Variants in GRIA4 observed in about 807,000 individuals in gnomAD.
The protein encoded by GRIA4 is glutamate ionotropic receptor AMPA type subunit 4.
In GRIA4, 34 loss-of-function variants were observed where a neutral mutation model predicts 104.0. The ratio of observed to expected loss-of-function variants is 0.33; its 90% CI spans 0.25 to 0.44. The LOEUF (loss-of-function observed/expected upper bound fraction) is 0.44. GRIA4 is among the 20% of genes least tolerant of loss of function. GRIA4 has a pLI of 1.00. For synonymous variants in GRIA4, 386 were observed against 381.9 expected, an observed-to-expected ratio of 1.01 and a Z score of -0.13; for missense variants, 750 against 1,096.5, an observed-to-expected ratio of 0.68 and a Z score of 4.46.
intron 3 of GRIA4, among the ~76,000 whole-genome samples, chr11:105,733,569 G>T (rs1177656299): frequency 1.3e-5 from 2 of 152,064 alleles, no homozygotes; most frequent in African/African-American, 4.8e-5. Context: ...CAATTCTGCT[G>T]CCTCAGCCTC....
At chr11:105,893,734 T>C (rs1335588434) in intron 6 of GRIA4, among the ~76,000 whole-genome samples, 2 of 152,208 alleles carry the variant, frequency 1.3e-5, no homozygotes, top group African/African-American at 4.8e-5. Context: ...ATTTCAGCCA[T>C]GTTTGAAAGA....
At chr11:105,768,900 A>G (rs1315010583) in intron 4 of GRIA4, among the ~76,000 whole-genome samples, 1 of 152,098 alleles carries the variant, frequency 6.6e-6, no homozygotes, top group Non-Finnish European at 1.5e-5. Context: ...ATTTGAGACT[A>G]TGGTTCTAAG....
intron 4 of GRIA4, among the ~76,000 whole-genome samples, chr11:105,783,155 T>G (rs1320755916): frequency 6.6e-6 from 1 of 152,160 alleles, no homozygotes; most frequent in Non-Finnish European, 1.5e-5. Context: ...AGTAAAATAA[T>G]TCACGGAGAA....
chr11:105,805,595 C>T (rs761303083), intron 4 of GRIA4, among the ~76,000 whole-genome samples: 3 of 150,974 alleles, frequency 2.0e-5, no homozygotes, highest in Non-Finnish European at 4.4e-5. Flanking sequence ...AACTAAATGA[C>T]TGAATTAGCA....
intron 4 of GRIA4, among the ~76,000 whole-genome samples, chr11:105,782,094 G>A (rs1049048379): frequency 6.6e-6 from 1 of 152,116 alleles, no homozygotes; most frequent in African/African-American, 2.4e-5. Context: ...GACACATTTG[G>A]CCCAAGTCTG....
intron 4 of GRIA4, among the ~76,000 whole-genome samples, chr11:105,809,703 C>G (rs992040960): frequency 2.0e-5 from 3 of 152,048 alleles, no homozygotes; most frequent in Admixed American, 2.0e-4. Flanking sequence ...CATGATTTTA[C>G]GTGTCCTGAG....
At chr11:105,763,732 C>T (rs1002930783) in intron 4 of GRIA4, among the ~76,000 whole-genome samples, 2 of 152,186 alleles carry the variant, frequency 1.3e-5, no homozygotes, top group African/African-American at 4.8e-5. Flanking sequence ...GTACAGCGGT[C>T]TGTCATTGCC....
intron 5 of GRIA4, among the ~76,000 whole-genome samples, chr11:105,872,543 G>T (rs78374574): frequency 6.6e-6 from 1 of 152,066 alleles, no homozygotes; most frequent in African/African-American, 2.4e-5. Flanking sequence ...CATATTTGAC[G>T]TTAAAATTCA....
At chr11:105,923,059 T>A (rs1947610445) in intron 11 of GRIA4, among the ~76,000 whole-genome samples, 1 of 152,028 alleles carries the variant, frequency 6.6e-6, no homozygotes, top group Non-Finnish European at 1.5e-5. Context: ...CCTTCCCCAT[T>A]CTAACCCCCC....
chr11:105,973,276 C>T (rs1858790178), intron 15 of GRIA4, among the ~76,000 whole-genome samples: 1 of 152,140 alleles, frequency 6.6e-6, no homozygotes, highest in Admixed American at 6.6e-5. Context: ...AAACATACTG[C>T]TGAGAAGATA....
chr11:105,761,780 C>T (rs1042767834), intron 4 of GRIA4, among the ~76,000 whole-genome samples: 1 of 152,154 alleles, frequency 6.6e-6, no homozygotes, highest in African/African-American at 2.4e-5. Context: ...ATAGTTTACA[C>T]TTTATACAAA....
intron 11 of GRIA4, among the ~76,000 whole-genome samples, chr11:105,920,754 T>C (rs993437902): frequency 1.3e-5 from 2 of 152,142 alleles, no homozygotes; most frequent in South Asian, 2.1e-4. Context: ...ATTAATATTA[T>C]ATTCATATTC....
intron 14 of GRIA4, among the ~76,000 whole-genome samples, chr11:105,940,156 G>C (rs1948147626): frequency 6.6e-6 from 1 of 152,108 alleles, no homozygotes; most frequent in African/African-American, 2.4e-5. Context: ...GTTAAGGTCA[G>C]GAGTTCGAGA....
At chr11:105,861,251 A>C (rs1251852505) in intron 4 of GRIA4, among the ~76,000 whole-genome samples, 1 of 152,050 alleles carries the variant, frequency 6.6e-6, no homozygotes, top group African/African-American at 2.4e-5. Context: ...GACCCAATTC[A>C]AGTTGTTTCT....
At chr11:105,636,944 C>T (rs534967753) in intron 3 of GRIA4, among the ~76,000 whole-genome samples, 1 of 152,274 alleles carries the variant, frequency 6.6e-6, no homozygotes, top group Non-Finnish European at 1.5e-5. Context: ...ATTCAATCTG[C>T]TGCCTTTTCA....
intron 4 of GRIA4, among the ~76,000 whole-genome samples, chr11:105,776,341 C>G (rs564198039): frequency 2.0e-5 from 3 of 152,060 alleles, no homozygotes; most frequent in African/African-American, 7.2e-5. Flanking sequence ...TACCAACATA[C>G]TATGTAGAAA....
chr11:105,941,139 G>C (rs1205946269), intron 14 of GRIA4, among the ~76,000 whole-genome samples: 1 of 152,114 alleles, frequency 6.6e-6, no homozygotes, highest in Non-Finnish European at 1.5e-5. Flanking sequence ...CAAGCATTAT[G>C]TTGGTTATGA....
At position 105,852,853 on chromosome 11, in the gene GRIA4, C is replaced by T. The variant is rs745660214; in HGVS notation, c.488-9171C>T. Reference sequence around the variant, plus strand: ...ATCACAAGAAAATTATGTACTGCTACTCCTGCTCTAAAGAAAAGACGAAAG... The same window carrying T: ...ATCACAAGAAAATTATGTACTGCTATTCCTGCTCTAAAGAAAAGACGAAAG... On this transcript the variant is annotated intron_variant, in intron 4 of 16. Transcript: ENST00000282499. Among the ~76,000 whole-genome samples, 64 of 126,930 alleles carry T rather than the reference C, an allele frequency of 5.0e-4. 4 individuals are homozygous for T. The highest frequency in any genetic ancestry group is 9.5e-4 in the Non-Finnish European group (54 of 56,658). 83.3% of individuals were successfully genotyped at this position (126,930 alleles called of 152,430 possible).
intron 5 of GRIA4, among the ~76,000 whole-genome samples, chr11:105,880,289 A>T (rs1946000333): frequency 6.6e-6 from 1 of 152,222 alleles, no homozygotes; most frequent in Admixed American, 6.5e-5. Context: ...GAATCTTATT[A>T]TCCAAGGCTT....
Sources: gnomAD v4.1 joint callset for allele counts (sites outside exome capture counted in the v4.1 genomes callset) on GRCh38, gnomAD v4.1.1 for gene constraint, MANE v1.5 for transcripts, NCBI Gene and HGNC (gene_info 2026-07-23, HGNC 2026-07-21) for gene names.